Variants in ARAP2 observed in about 807,000 individuals in gnomAD.
ARAP2 encodes ArfGAP with RhoGAP domain, ankyrin repeat and PH domain 2, also known as arf-GAP with Rho-GAP domain, ANK repeat and PH domain-containing protein 2.
ARAP2 carries 148 observed loss-of-function variants against 194.5 expected under a neutral mutation model. The observed-to-expected ratio is 0.76, with a 90% confidence interval of 0.67 to 0.87. The LOEUF (loss-of-function observed/expected upper bound fraction) is 0.87. Ranked by LOEUF, ARAP2 falls within the 40% of genes least tolerant of loss-of-function variation. ARAP2 has a pLI of 0.00. For synonymous variants in ARAP2, 695 were observed against 683.5 expected (o/e 1.02, Z -0.26); for missense variants, 2,128 against 1,989.7 (o/e 1.07, Z -1.32).
At chr4:36,202,682 A>G (rs1248767936) in intron 6 of ARAP2, among the ~76,000 whole-genome samples, 1 of 152,208 alleles carries the variant, frequency 6.6e-6, no homozygotes, top group Non-Finnish European at 1.5e-5. Flanking sequence ...TTATGGAGTC[A>G]TATTATATAA....
Position 36,117,121 on chromosome 4 carries a change from T to C in ARAP2, c.3978A>G (p.Gly1326=), listed in dbSNP as rs1721547126. 1.3e-6 allele frequency: 2 copies of C among 1,596,862 alleles called. No homozygotes were observed. The highest frequency in any genetic ancestry group is 1.4e-5 in the African/African-American group (1 of 73,410). ...CTACATATACTTCAATTAACAAATC[T>C]CCAGCCTGGGAAACCTAGAAAAGGG... ...KWKDTQVSQA[G]DLLIEVYVER... is the part of the protein sequence containing the mutation. The change falls in exon 25 of 33, where the codon GGA becomes GGG. Residue 1326 remains glycine (G), a synonymous_variant. Transcript: ENST00000303965.
chr4:36,223,718 G>GCT lies in ARAP2; in HGVS notation c.905+4862_905+4863dup, dbSNP rs34904494. ...CTTCTAAAAACAGAAACCAGAGATG[G>GCT]CTCTCTCTCTCTCTCTCTCTCAGCC... On this transcript the variant is annotated intron_variant, in intron 2 of 32. Transcript: ENST00000303965. Among the ~76,000 whole-genome samples, 61 of 149,044 alleles carry GCT rather than the reference G, an allele frequency of 4.1e-4. No individual in the cohort carries two copies. In the East Asian group the frequency reaches 6.5e-3, roughly 16 times the overall value.
chr4:36,138,367 T>C (rs1254386217), intron 19 of ARAP2, among the ~76,000 whole-genome samples: 1 of 151,738 alleles, frequency 6.6e-6, no homozygotes, highest in Non-Finnish European at 1.5e-5. Flanking sequence ...TTGCATTGCA[T>C]TCCTTTCCCC....
chr4:36,184,839 CATT>C (rs1055711797), intron 8 of ARAP2, among the ~76,000 whole-genome samples: 1 of 152,142 alleles, frequency 6.6e-6, no homozygotes, highest in African/African-American at 2.4e-5. Flanking sequence ...TCATAATAGT[CATT>C]CAAGAGAAGC....
At chr4:36,222,694 T>C (rs563995049) in intron 2 of ARAP2, among the ~76,000 whole-genome samples, 2 of 151,942 alleles carry the variant, frequency 1.3e-5, no homozygotes, top group African/African-American at 2.4e-5. Context: ...TATTTCTTAA[T>C]AAACTAAAGT....
intron 15 of ARAP2, 96 bp from the exon 16 acceptor site, chr4:36,151,140 T>C: frequency 9.5e-7 from 1 of 1,047,334 alleles, no homozygotes; most frequent in Non-Finnish European, 1.3e-6. Flanking sequence ...TGGATGCAAG[T>C]AAATAAATTT....
intron 8 of ARAP2, among the ~76,000 whole-genome samples, chr4:36,178,849 G>C (rs569722085): frequency 3.1e-4 from 47 of 152,278 alleles, no homozygotes; most frequent in African/African-American, 1.1e-3. Context: ...AACTTTTCTT[G>C]AAACTATGGG....
At chr4:36,063,990 AGCT>A (rs1724903269), downstream of ARAP2, among the ~76,000 whole-genome samples, 1 of 152,246 alleles carries the variant, frequency 6.6e-6, no homozygotes, top group Non-Finnish European at 1.5e-5. Context: ...GCAATTCAGC[AGCT>A]AATATAGTTA....
chr4:36,107,413 A>T, intron 27 of ARAP2, 152 bp downstream of exon 27: 1 of 681,652 alleles, frequency 1.5e-6, no homozygotes, highest in Non-Finnish European at 2.2e-6. Flanking sequence ...TCCTGTCCAT[A>T]TATTCTTCTT....
intron 2 of ARAP2, among the ~76,000 whole-genome samples, chr4:36,053,593 G>C (rs563651293): frequency 1.3e-5 from 2 of 152,154 alleles, no homozygotes; most frequent in South Asian, 4.1e-4. Context: ...CAACTCCTGG[G>C]CTTCTAGATT....
intron 7 of ARAP2, among the ~76,000 whole-genome samples, chr4:36,192,168 GTTTTTT>G (rs569144058): frequency 1.3e-4 from 13 of 100,694 alleles, no homozygotes; most frequent in Admixed American, 4.5e-4. Flanking sequence ...CAGTGTTTCT[GTTTTTT>G]TTTTTTTTTT....
downstream of ARAP2, among the ~76,000 whole-genome samples, chr4:36,061,507 TTC>T (rs1724434480): frequency 6.6e-6 from 1 of 152,214 alleles, no homozygotes; most frequent in Non-Finnish European, 1.5e-5. Context: ...CAGAATCTCA[TTC>T]TTTTTATGGA....
At chr4:36,148,790 C>A (rs918687662) in intron 16 of ARAP2, among the ~76,000 whole-genome samples, 2 of 152,064 alleles carry the variant, frequency 1.3e-5, no homozygotes, top group Non-Finnish European at 2.9e-5. Flanking sequence ...GCAAAGGGCT[C>A]TCCTTGGTCT....
intron 15 of ARAP2, among the ~76,000 whole-genome samples, chr4:36,155,808 G>T (rs1382282559): frequency 6.6e-6 from 1 of 151,940 alleles, no homozygotes; most frequent in Non-Finnish European, 1.5e-5. Flanking sequence ...AAAAAATAAG[G>T]TTATATTCTG....
chr4:36,160,763 G>A, intron 12 of ARAP2, 122 bp from the exon 13 acceptor site: 1 of 825,004 alleles, frequency 1.2e-6, no homozygotes, highest in Non-Finnish European at 1.7e-6. Flanking sequence ...GAAAACACAT[G>A]AAAGACTCAA....
chr4:36,210,690 C>T lies in ARAP2; in HGVS notation c.1187G>A (p.Trp396Ter). 6 of 1,612,260 alleles carry T rather than the reference C, an allele frequency of 3.7e-6. No individual in the cohort carries two copies. Among genetic ancestry groups the T allele is most frequent in the Non-Finnish European group, 5.1e-6 (6 of 1,179,522 alleles). ...ATTGTTTTTGTCCTCTCGAGGTATC[C>T]AAATATCTTCCACCTTGTCCTCGCT... ...KISEDKVEDIWIPREDKNNFL... is the reference protein window; with the variant it reads ...KISEDKVEDI Residue 396 changes from tryptophan (W) to a stop codon, truncating the protein, a stop_gained, in exon 6 of 33, where the codon TGG becomes TAG. Coordinates refer to ENST00000303965, the MANE Select transcript of ARAP2 (RefSeq NM_015230.4). LOFTEE classifies it high-confidence loss of function.
intron 6 of ARAP2, among the ~76,000 whole-genome samples, chr4:36,016,727 T>C (rs918237292): frequency 4.6e-5 from 7 of 152,204 alleles, no homozygotes; most frequent in African/African-American, 1.7e-4. Context: ...AAATATATTA[T>C]TTCTCCATAA....
intron 1 of ARAP2, among the ~76,000 whole-genome samples, chr4:36,233,061 G>T (rs1751800681): frequency 6.6e-6 from 1 of 151,952 alleles, no homozygotes; most frequent in African/African-American, 2.4e-5. Flanking sequence ...CATGGAAAAG[G>T]CTCCCTCCCA....
At chr4:36,009,355 C>T (rs1035714476) in intron 9 of ARAP2, among the ~76,000 whole-genome samples, 14 of 152,108 alleles carry the variant, frequency 9.2e-5, no homozygotes, top group African/African-American at 2.9e-4. Flanking sequence ...TACTATGCAG[C>T]GATAAAAAAG....
Sources: gnomAD v4.1 joint callset for allele counts (sites outside exome capture counted in the v4.1 genomes callset) on GRCh38, gnomAD v4.1.1 for gene constraint, MANE v1.5 for transcripts, NCBI Gene and HGNC (gene_info 2026-07-23, HGNC 2026-07-21) for gene names.